EML5: variants seen among roughly 807,000 people sequenced by gnomAD.
EML5 encodes the protein echinoderm microtubule-associated protein-like 5.
In EML5, 120 loss-of-function variants were observed where a neutral mutation model predicts 250.0. The observed-to-expected ratio is 0.48, with a 90% CI of 0.41 to 0.56. The LOEUF is 0.56. Among genes scored for constraint, EML5 ranks in the 20% least tolerant of loss-of-function variants. The pLI is 0.00. For missense variants in EML5, 2,006 were observed against 2,437.6 expected (o/e 0.82, Z 3.73); for synonymous variants, 771 against 806.5 (o/e 0.96, Z 0.75).
chr14:88,734,330 T>C (rs141666149), intron 7 of EML5, among the ~76,000 whole-genome samples: 65 of 152,280 alleles, frequency 4.3e-4, no homozygotes, highest in African/African-American at 1.5e-3. Flanking sequence ...GAGTGGTAAA[T>C]GTAAGTATTA....
At position 88,662,339 on chromosome 14, in the gene EML5, G is replaced by GTTTTT. The variant is rs71127000; in HGVS notation, c.3499-514_3499-510dup. On this transcript the variant is annotated intron_variant, in intron 24 of 43. Coordinates refer to ENST00000554922, the MANE Select transcript of EML5 (RefSeq NM_183387.3). ...CACAAAATGCAACACAATTTTTCTTGTTTTTTTTTTTTTTTTTTTTTTTTT... is the reference window on the plus strand; with the variant it reads ...CACAAAATGCAACACAATTTTTCTTGTTTTTTTTTTTTTTTTTTTTTTTTTTTTTT... 3.5e-3 allele frequency among the ~76,000 whole-genome samples: 195 copies of GTTTTT among 55,634 alleles called. 13 individuals carry two copies. Among genetic ancestry groups the GTTTTT allele is most frequent in the African/African-American group, 0.012 (185 of 15,644 alleles). 36.5% of individuals were successfully genotyped at this position (55,634 alleles called of 152,430 possible).
intron 29 of EML5, 90 bp from the exon 30 acceptor site, chr14:88,644,601 T>C (rs947847169): frequency 5.1e-6 from 6 of 1,167,278 alleles, no homozygotes; most frequent in Non-Finnish European, 7.6e-6. Context: ...AGAGGTGTCT[T>C]GTCACACCTT....
At position 88,620,949 on chromosome 14, in the gene EML5, A is replaced by G. The variant is rs1567018599; in HGVS notation, c.5203-23T>C. 6.7e-7 allele frequency: 1 copy of G among 1,486,084 alleles called. No individual in the cohort carries two copies. Among genetic ancestry groups the G allele is most frequent in the Non-Finnish European group, 8.9e-7 (1 of 1,123,136 alleles). The allele number at this position is 1,486,084 out of a possible 1,614,324, so 92.1% of individuals were successfully genotyped here. A position where few individuals can be genotyped will look rare whatever the true frequency, so the allele number is the denominator to read the frequency against. ...CTTCTGCATTTAAAAAAAAAAAAAA[A>G]AAGAGTCATAGGAAACATTAAGTGA... On this transcript the variant is annotated intron_variant, in intron 38 of 43. Coordinates refer to ENST00000554922, the MANE Select transcript of EML5 (RefSeq NM_183387.3). The surrounding 1 kb of genome is among the most constrained non-coding windows in gnomAD (Gnocchi z 4.3).
At chr14:88,639,837 T>G (rs1013821420) in intron 31 of EML5, among the ~76,000 whole-genome samples, 3 of 152,128 alleles carry the variant, frequency 2.0e-5, no homozygotes, top group Non-Finnish European at 4.4e-5. Context: ...CATCTTAGCC[T>G]CCCAAAATGC....
At chr14:88,751,206 C>T (rs1263322049) in intron 2 of EML5, among the ~76,000 whole-genome samples, 1 of 152,198 alleles carries the variant, frequency 6.6e-6, no homozygotes, top group Non-Finnish European at 1.5e-5. Context: ...CAAATACTAC[C>T]TCCTCTTCTA....
intron 21 of EML5, among the ~76,000 whole-genome samples, chr14:88,668,944 G>A (rs530680745): frequency 2.0e-5 from 3 of 151,820 alleles, no homozygotes; most frequent in East Asian, 3.9e-4. Context: ...GACCGAAAAC[G>A]GCAAGTGAAT....
chr14:88,687,570 A>T (rs1009338773), intron 18 of EML5, among the ~76,000 whole-genome samples: 3 of 152,164 alleles, frequency 2.0e-5, no homozygotes, highest in African/African-American at 7.2e-5. Context: ...CAGTTTCTAA[A>T]ATCTGTAACT....
At chr14:88,678,076 TGTG>T (rs1490840954) in intron 21 of EML5, among the ~76,000 whole-genome samples, 2 of 152,086 alleles carry the variant, frequency 1.3e-5, no homozygotes, top group Non-Finnish European at 2.9e-5. Flanking sequence ...ATAAAGAAAA[TGTG>T]GTATATATAC....
intron 9 of EML5, among the ~76,000 whole-genome samples, chr14:88,712,913 G>A (rs896730013): frequency 1.3e-5 from 2 of 152,132 alleles, no homozygotes; most frequent in African/African-American, 4.8e-5. Flanking sequence ...CAAGAAGAAA[G>A]GATGAGTGTA....
intron 8 of EML5, among the ~76,000 whole-genome samples, chr14:88,716,605 G>T (rs2093497979): frequency 6.6e-6 from 1 of 151,914 alleles, no homozygotes; most frequent in Admixed American, 6.6e-5. Context: ...AAATGCTTCT[G>T]GAAAATTCTT....
intron 23 of EML5, 39 bp from the exon 24 acceptor site, chr14:88,663,158 T>C (rs1236795793): frequency 5.3e-6 from 7 of 1,333,326 alleles, no homozygotes; most frequent in Non-Finnish European, 6.2e-6. Context: ...ACATATAAAA[T>C]ACATACAAAT....
At chr14:88,668,925 C>A (rs1294988438) in intron 21 of EML5, among the ~76,000 whole-genome samples, 1 of 151,800 alleles carries the variant, frequency 6.6e-6, no homozygotes, top group Non-Finnish European at 1.5e-5. Flanking sequence ...CAGAGGCTCC[C>A]ACCAAGAAGA....
chr14:88,760,302 A>G (rs2094220157), intron 1 of EML5, among the ~76,000 whole-genome samples: 1 of 152,046 alleles, frequency 6.6e-6, no homozygotes, highest in Non-Finnish European at 1.5e-5. Flanking sequence ...GCTACAATCT[A>G]TTTTGAGTTA....
At chr14:88,671,555 T>A (rs1385712237) in intron 21 of EML5, among the ~76,000 whole-genome samples, 5 of 152,088 alleles carry the variant, frequency 3.3e-5, no homozygotes, top group Non-Finnish European at 7.4e-5. Context: ...ATAACAATAT[T>A]AACCTTAAAT....
rs1419549679 is a variant in EML5, at chr14:88,754,552, G to A, written c.317C>T (p.Thr106Ile). 1 of 1,612,732 alleles carries A rather than the reference G, an allele frequency of 6.2e-7. No individual in the cohort carries two copies. The highest frequency in any genetic ancestry group is 8.5e-7 in the Non-Finnish European group (1 of 1,179,492). Residue 106 changes from threonine to isoleucine, a missense_variant, in exon 2 of 44, where the codon ACA becomes ATA. Transcript: ENST00000554922. The part of the protein sequence containing the change: ...QTISVLKDVH[T>I]HGIACLAFDL... ...AAACGCCAAGCAAGCTATACCATGT[G>A]TATGAACATCCTTTAAAACTGATAT...
rs369731084 is a variant in EML5, at chr14:88,704,878, C to T, written c.2033G>A (p.Arg678Gln). 47 of 1,612,338 alleles carry T rather than the reference C, an allele frequency of 2.9e-5. No homozygotes were observed. Among genetic ancestry groups the T allele is most frequent in the Middle Eastern group, 1.6e-4 (1 of 6,064 alleles). ...RRERAPGNSIRLHFVHGYRGY... is the reference protein window; with the variant it reads ...RRERAPGNSIQLHFVHGYRGY... The stretch of plus-strand genomic sequence containing the variant: ...TTTATACCCGTGAACAAAGTGTAAT[C>T]GAATACTATTTCCTGGAGCCCGCTC... Residue 678 changes from arginine (R) to glutamine (Q), a missense_variant, in exon 13 of 44, where the codon CGA becomes CAA. Physicochemically the swap from Arg to Gln is conservative, Grantham distance 43. This residue lies in a region of EML5 where 1,375 missense variants were observed against 1,590.3 expected (regional missense o/e 0.86). Transcript: ENST00000554922.
In EML5 at chr14:88,620,502, G is replaced by A. The variant is rs559470588; in HGVS notation, c.5375+252C>T. On this transcript the variant is annotated intron_variant, in intron 39 of 43. Transcript: ENST00000554922. The surrounding 1 kb of genome is among the most constrained non-coding windows in gnomAD (Gnocchi z 4.3). ...TGGTGGGATGAACTTAATGGACATG[G>A]CTAAGTGTTAACATGAATTCATCAA... 6 of 326,352 alleles carry A rather than the reference G, an allele frequency of 1.8e-5. No individual in the cohort carries two copies. The South Asian group carries it at 8.2e-4, about 45-fold the overall frequency. The allele number at this position is 326,352 out of a possible 1,614,324, so 20.2% of individuals were successfully genotyped here. A position where few individuals can be genotyped will look rare whatever the true frequency, so the allele number is the denominator to read the frequency against.
At chr14:88,746,957 A>T (rs2094012150) in intron 2 of EML5, among the ~76,000 whole-genome samples, 1 of 152,186 alleles carries the variant, frequency 6.6e-6, no homozygotes, top group Non-Finnish European at 1.5e-5. Context: ...TCAACTAGGA[A>T]ATTTAATTCA....
chr14:88,667,870 A>G (rs1009288982), intron 21 of EML5, among the ~76,000 whole-genome samples: 20 of 152,342 alleles, frequency 1.3e-4, no homozygotes, highest in African/African-American at 4.6e-4. Context: ...GAGTCCTCAC[A>G]GTTCAATGAT....
Sources: gnomAD v4.1 joint callset for allele counts (sites outside exome capture counted in the v4.1 genomes callset) on GRCh38, gnomAD v4.1.1 for gene constraint, gnomAD v4.1.1 regional missense constraint, Gnocchi (gnomAD v3.1) non-coding constraint, MANE v1.5 for transcripts, NCBI Gene and HGNC (gene_info 2026-07-23, HGNC 2026-07-21) for gene names.